Variants in MBD5 observed in about 807,000 individuals in gnomAD.
MBD5 encodes the protein methyl-CpG binding domain protein 5.
In MBD5, 13 loss-of-function variants were observed where a neutral mutation model predicts 117.3. That is an observed-to-expected ratio of 0.11 (90% CI 0.07 to 0.18). The LOEUF (loss-of-function observed/expected upper bound fraction) is 0.18, where lower values mean the gene tolerates loss of function less well. MBD5 is among the 10% of genes least tolerant of loss of function. The pLI, the probability that MBD5 is intolerant of heterozygous loss-of-function variation, is 1.00. For missense variants in MBD5, 1,879 were observed against 2,093.8 expected (o/e 0.90, Z 2.00); for synonymous variants, 727 against 766.4 (o/e 0.95, Z 0.85).
At chr2:148,351,907 G>T (rs1402094042) in intron 4 of MBD5, among the ~76,000 whole-genome samples, 1 of 151,930 alleles carries the variant, frequency 6.6e-6, no homozygotes, top group East Asian at 1.9e-4. Context: ...TCTGACTCTT[G>T]GTTCTGCAAC....
At chr2:148,322,840 A>T in intron 3 of MBD5, among the ~76,000 whole-genome samples, 1 of 151,942 alleles carries the variant, frequency 6.6e-6, no homozygotes, top group East Asian at 1.9e-4. Flanking sequence ...ATATATCTTT[A>T]TTTATTTATT....
intron 4 of MBD5, among the ~76,000 whole-genome samples, chr2:148,381,342 G>A (rs1311501065): frequency 6.6e-6 from 1 of 152,164 alleles, no homozygotes; most frequent in Non-Finnish European, 1.5e-5. Flanking sequence ...AGTAACCAAT[G>A]TGATCAACTG....
chr2:148,313,017 T>A (rs185768612), intron 3 of MBD5, among the ~76,000 whole-genome samples: 1 of 152,116 alleles, frequency 6.6e-6, no homozygotes, highest in Admixed American at 6.5e-5. Context: ...TGTTCCTTCC[T>A]CTGGAAGGTT....
rs1179128397 is a variant in MBD5 at position 148,296,757 on chromosome 2, AT to A, written c.-679-45447del. ...AAACCTGCCCAGCCACCATTGCCCA[AT>A]TTTTTTTTTACAATTTCTGTCTCTT... On this transcript the variant is annotated intron_variant, in intron 3 of 13. Transcript: ENST00000642680. 564 of 147,894 alleles carry A rather than the reference AT, an allele frequency of 3.8e-3. 1 individual carries two copies. Among genetic ancestry groups the A allele is most frequent in the African/African-American group, 0.013 (539 of 40,300 alleles). The allele number at this position is 147,894 out of a possible 1,614,324, so 9.2% of individuals were successfully genotyped here. A position where few individuals can be genotyped will look rare whatever the true frequency, so the allele number is the denominator to read the frequency against.
intron 1 of MBD5, among the ~76,000 whole-genome samples, chr2:148,036,966 C>T (rs570014315): frequency 6.6e-6 from 1 of 152,028 alleles, no homozygotes; most frequent in East Asian, 1.9e-4. Context: ...GCAATCAAAA[C>T]ACTCAGAAGC....
intron 4 of MBD5, among the ~76,000 whole-genome samples, chr2:148,405,793 A>G (rs1027500141): frequency 3.9e-5 from 6 of 152,108 alleles, no homozygotes; most frequent in African/African-American, 1.4e-4. Context: ...AAGTAAATTA[A>G]TAACTTCAAG....
intron 1 of MBD5, among the ~76,000 whole-genome samples, chr2:148,154,213 C>G (rs374115410): frequency 0.026 from 3,976 of 151,480 alleles, 100 homozygotes; most frequent in African/African-American, 0.067. Context: ...AGGTGTCAGT[C>G]TGCCCCTGCT....
chr2:148,135,004 T>A (rs1322327497), intron 1 of MBD5, among the ~76,000 whole-genome samples: 5 of 152,226 alleles, frequency 3.3e-5, no homozygotes, highest in African/African-American at 1.2e-4. Context: ...AGATGAATGA[T>A]AACTTACTTG....
intron 1 of MBD5, among the ~76,000 whole-genome samples, chr2:148,090,333 C>T (rs187414901): frequency 6.6e-6 from 1 of 152,118 alleles, no homozygotes; most frequent in South Asian, 2.1e-4. Context: ...TTCCCTAAAT[C>T]ATTCTATGAA....
At chr2:148,210,498 A>G (rs1479050777) in intron 2 of MBD5, among the ~76,000 whole-genome samples, 3 of 152,044 alleles carry the variant, frequency 2.0e-5, no homozygotes, top group Non-Finnish European at 4.4e-5. Context: ...AACTTTTTAA[A>G]TAATATTAAA....
chr2:148,440,667 C>T (rs1259991940), intron 4 of MBD5, among the ~76,000 whole-genome samples: 2 of 152,130 alleles, frequency 1.3e-5, no homozygotes, highest in African/African-American at 4.8e-5. Context: ...ATGTACCTGA[C>T]AATTTGTTTG....
rs1682321613 is a variant in MBD5, at chr2:148,515,232, C to T, written c.*2291C>T. The T allele has an allele frequency of 6.6e-6, 1 of 152,160 alleles. No homozygotes were observed. The highest frequency in any genetic ancestry group is 2.4e-5 in the African/African-American group (1 of 41,444). The allele number at this position is 152,160 out of a possible 1,614,324, so 9.4% of individuals were successfully genotyped here. A position where few individuals can be genotyped will look rare whatever the true frequency, so the allele number is the denominator to read the frequency against. ...TTTTTAGCCTTTGCTTTTCTGTCTT[C>T]AGGCTGAGTTTGTGTTGACCAAGCC... On this transcript the variant is annotated 3_prime_UTR_variant, in exon 14 of 14. Coordinates refer to ENST00000642680, the MANE Select transcript of MBD5 (RefSeq NM_001378120.1).
At chr2:148,217,200 G>C (rs1351423551) in intron 2 of MBD5, among the ~76,000 whole-genome samples, 1 of 152,182 alleles carries the variant, frequency 6.6e-6, no homozygotes, top group Non-Finnish European at 1.5e-5. Flanking sequence ...GCAGAGAATG[G>C]GGTGGGTGGG....
intron 4 of MBD5, among the ~76,000 whole-genome samples, chr2:148,405,207 C>G (rs920556519): frequency 1.3e-5 from 2 of 152,134 alleles, no homozygotes; most frequent in African/African-American, 4.8e-5. Flanking sequence ...TATTTGATCT[C>G]TTGCTTAAAT....
chr2:148,055,418 C>CA (rs1694829065), intron 1 of MBD5: 2 of 140,918 alleles, frequency 1.4e-5, no homozygotes, highest in African/African-American at 5.2e-5. Context: ...ATAGGTTTTT[C>CA]TTTTTTTTTT....
At chr2:148,354,194 A>G (rs925835658) in intron 4 of MBD5, among the ~76,000 whole-genome samples, 10 of 152,164 alleles carry the variant, frequency 6.6e-5, no homozygotes, top group African/African-American at 2.2e-4. Context: ...TGCTGCACCT[A>G]TCAACCCATC....
chr2:148,212,636 C>T (rs941062962), intron 2 of MBD5, among the ~76,000 whole-genome samples: 2 of 152,078 alleles, frequency 1.3e-5, no homozygotes, highest in Non-Finnish European at 2.9e-5. Context: ...ATGTTTTAAT[C>T]TTACCTTTCA....
chr2:148,399,814 T>G (rs1704859204), intron 4 of MBD5, among the ~76,000 whole-genome samples: 1 of 152,154 alleles, frequency 6.6e-6, no homozygotes, highest in Admixed American at 6.6e-5. Context: ...TCTTATTATT[T>G]TGAGATACAT....
chr2:148,509,213 G>T (rs1047835863), intron 12 of MBD5, among the ~76,000 whole-genome samples: 1 of 152,184 alleles, frequency 6.6e-6, no homozygotes, highest in African/African-American at 2.4e-5. Context: ...TGGAAAAAAT[G>T]AGTAATTATT....
Sources: gnomAD v4.1 joint callset for allele counts (sites outside exome capture counted in the v4.1 genomes callset) on GRCh38, gnomAD v4.1.1 for gene constraint, MANE v1.5 for transcripts, NCBI Gene and HGNC (gene_info 2026-07-23, HGNC 2026-07-21) for gene names.